Variants in ANK2 observed in about 807,000 individuals in gnomAD.
ANK2 encodes the protein ankyrin-2.
In ANK2, 83 loss-of-function variants were observed where a neutral mutation model predicts 360.5. That is an observed-to-expected ratio of 0.23 (90% CI 0.19 to 0.28). The LOEUF is 0.28. ANK2 is among the 10% of genes least tolerant of loss of function. ANK2 has a pLI of 1.00. For missense variants in ANK2, 4,201 were observed against 4,795.7 expected (o/e 0.88, Z 3.66); for synonymous variants, 1,740 against 1,759.5 (o/e 0.99, Z 0.28).
chr4:113,069,742 A>AT (rs1255451721), intron 1 of ANK2, among the ~76,000 whole-genome samples: 2 of 152,138 alleles, frequency 1.3e-5, no homozygotes, highest in Non-Finnish European at 2.9e-5. Flanking sequence ...CTATCCAGTG[A>AT]TATCTATTAA....
At chr4:113,306,097 A>G (rs2077129087) in intron 23 of ANK2, among the ~76,000 whole-genome samples, 1 of 152,212 alleles carries the variant, frequency 6.6e-6, no homozygotes, top group Admixed American at 6.5e-5. Flanking sequence ...AAAGCTCTAT[A>G]ACTGATGCCA....
intron 1 of ANK2, chr4:113,145,873 G>C: frequency 7.8e-7 from 1 of 1,289,710 alleles, no homozygotes. Context: ...GCTGAGATGG[G>C]GAATGCAGCC....
At chr4:113,194,460 A>AAGT (rs2153380238) in intron 2 of ANK2, among the ~76,000 whole-genome samples, 1 of 152,316 alleles carries the variant, frequency 6.6e-6, no homozygotes, top group Admixed American at 6.5e-5. Flanking sequence ...TCAGCAAGAG[A>AAGT]AGTAGTGAAC....
In ANK2 at chr4:112,911,188, C is replaced by T. The variant is rs866563627; in HGVS notation, c.21+6674C>T. 2.1e-3 allele frequency among the ~76,000 whole-genome samples: 158 copies of T among 73,798 alleles called. 1 individual carries two copies. The highest frequency in any genetic ancestry group is 3.8e-3 in the Admixed American group (20 of 5,300). 48.4% of individuals were successfully genotyped at this position (73,798 alleles called of 152,430 possible). A position where few individuals can be genotyped will look rare whatever the true frequency, so the allele number is the denominator to read the frequency against. On this transcript the variant is annotated intron_variant, in intron 2 of 30. Coordinates refer to the ANK2 transcript ENST00000503271. Reference sequence around the variant, plus strand: ...TTTCACCATGTTGGCCAAGATGGTGCTTTTTTTTTTTTTTTTTTTTTAGAG... The same window carrying T: ...TTTCACCATGTTGGCCAAGATGGTGTTTTTTTTTTTTTTTTTTTTTTAGAG...
chr4:112,983,231 A>G (rs1034101255), intron 2 of ANK2, among the ~76,000 whole-genome samples: 1 of 152,194 alleles, frequency 6.6e-6, no homozygotes, highest in African/African-American at 2.4e-5. Flanking sequence ...TGCCTTCAGC[A>G]TATTAGATTC....
In ANK2 at chr4:113,382,124, A is replaced by T. The variant is rs907798207; in HGVS notation, c.*653A>T. The stretch of plus-strand genomic sequence containing the variant: ...ATAAAAGGCCTCTAGAAATTGCTGA[A>T]CAATGGTTAATTAAGATATTGCTAA... On this transcript the variant is annotated 3_prime_UTR_variant, in exon 46 of 46. Coordinates refer to ENST00000357077, the MANE Select transcript of ANK2 (RefSeq NM_001148.6). 2 of 169,974 alleles carry T rather than the reference A, an allele frequency of 1.2e-5. No individual in the cohort carries two copies. The highest frequency in any genetic ancestry group is 2.4e-5 in the African/African-American group (1 of 42,026). The allele number at this position is 169,974 out of a possible 1,614,324, so 10.5% of individuals were successfully genotyped here. A position where few individuals can be genotyped will look rare whatever the true frequency, so the allele number is the denominator to read the frequency against.
chr4:112,932,463 G>T (rs1224611430), intron 2 of ANK2, among the ~76,000 whole-genome samples: 4 of 143,794 alleles, frequency 2.8e-5, no homozygotes, highest in African/African-American at 1.1e-4. Context: ...CTACACTACA[G>T]CCTGGGTGAC....
chr4:113,292,595 G>A, intron 21 of ANK2, 81 bp downstream of exon 21: 1 of 1,349,370 alleles, frequency 7.4e-7, no homozygotes, highest in Non-Finnish European at 1.0e-6. Context: ...TGAGCTGAGT[G>A]AGGTCAGATT....
chr4:113,366,391 C>CTTTTTT lies in ANK2; in HGVS notation c.11033-1157_11033-1152dup, dbSNP rs58588518. On this transcript the variant is annotated intron_variant, in intron 41 of 45. Coordinates refer to ENST00000357077, the MANE Select transcript of ANK2 (RefSeq NM_001148.6). ...TTAAATTTCATGACATTCTTGCTTCCTTTTTTTTTTTTTTTTTTTTTTTAA... is the reference window on the plus strand; with the variant it reads ...TTAAATTTCATGACATTCTTGCTTCCTTTTTTTTTTTTTTTTTTTTTTTTTTTTTAA... 4.7e-4 allele frequency among the ~76,000 whole-genome samples: 51 copies of CTTTTTT among 108,320 alleles called. 1 individual carries two copies. The highest frequency in any genetic ancestry group is 1.8e-3 in the African/African-American group (40 of 22,490). The allele number at this position is 108,320 out of a possible 152,430, so 71.1% of individuals were successfully genotyped here. A position where few individuals can be genotyped will look rare whatever the true frequency, so the allele number is the denominator to read the frequency against.
At chr4:113,051,725 A>G (rs773524176) in intron 1 of ANK2, among the ~76,000 whole-genome samples, 2 of 152,114 alleles carry the variant, frequency 1.3e-5, no homozygotes, top group Non-Finnish European at 2.9e-5. Context: ...TCTCAGTTCT[A>G]CCCTTTAATT....
intron 14 of ANK2, among the ~76,000 whole-genome samples, chr4:113,272,864 C>A (rs2059034882): frequency 1.3e-5 from 2 of 152,042 alleles, no homozygotes; most frequent in Non-Finnish European, 2.9e-5. Context: ...AGAAGGGAAC[C>A]CCAGAAACAA....
chr4:113,100,212 C>G lies in ANK2; in HGVS notation c.84+50400C>G, dbSNP rs77649042. Among the ~76,000 whole-genome samples the G allele has an allele frequency of 2.0e-5, 3 of 152,014 alleles. No homozygotes were observed. The East Asian group carries it at 5.8e-4, about 29-fold the overall frequency. On this transcript the variant is annotated intron_variant, in intron 1 of 45. Transcript: ENST00000357077. ...AGCCACAGGCTACAAGAAAAAAAAT[C>G]TTTGCAAAACACATATCTGATAAAT... is the stretch of plus-strand genomic sequence containing the variant.
intron 24 of ANK2, among the ~76,000 whole-genome samples, chr4:113,313,484 A>G (rs1222028830): frequency 1.3e-5 from 2 of 152,208 alleles, no homozygotes; most frequent in African/African-American, 2.4e-5. Flanking sequence ...AACAAGACAT[A>G]CTGTGTTCTC....
In ANK2 at chr4:112,998,137, C is replaced by G. The variant is rs58798871; in HGVS notation, c.21+93623C>G. The stretch of plus-strand genomic sequence containing the variant: ...TGATGTTAAGACAGTGTCCAACACA[C>G]TGTGAGTTTTTCAGAAATCTTAGAT... On this transcript the variant is annotated intron_variant, in intron 2 of 30. Transcript: ENST00000503271. Among the ~76,000 whole-genome samples the G allele has an allele frequency of 1.3e-3, 202 of 152,134 alleles. 2 individuals are homozygous for G. The East Asian group carries it at 0.034, about 26-fold the overall frequency.
In ANK2 at chr4:113,287,637, G is replaced by A. The variant is rs998176656; in HGVS notation, c.2112G>A (p.Gln704=). The change falls in exon 19 of 46, where the codon CAG becomes CAA. Residue 704 remains glutamine, a synonymous_variant. Transcript: ENST00000357077. ...SGLTSLHLAA[Q]EDKVNVADIL... ...TCACATCCTTACACCTTGCAGCCCAGGAAGATAAAGTGAATGTTGCTGATA... is the reference window on the plus strand; with the variant it reads ...TCACATCCTTACACCTTGCAGCCCAAGAAGATAAAGTGAATGTTGCTGATA... 1.9e-6 allele frequency: 3 copies of A among 1,613,484 alleles called. No homozygotes were observed. The highest frequency in any genetic ancestry group is 1.7e-6 in the Non-Finnish European group (2 of 1,179,504).
At chr4:113,204,851 T>A (rs1034084772) in intron 4 of ANK2, among the ~76,000 whole-genome samples, 11 of 152,260 alleles carry the variant, frequency 7.2e-5, no homozygotes, top group African/African-American at 2.4e-4. Flanking sequence ...GTAAAGCGAT[T>A]CAGGTGTACT....
At chr4:113,319,448 A>G (rs1420939104) in intron 26 of ANK2, among the ~76,000 whole-genome samples, 1 of 151,458 alleles carries the variant, frequency 6.6e-6, no homozygotes, top group Non-Finnish European at 1.5e-5. Flanking sequence ...TTTATATGCT[A>G]TATATCAAAA....
the ANK2 span, among the ~76,000 whole-genome samples, chr4:112,716,258 A>T: frequency 6.0e-4 from 92 of 152,082 alleles, no homozygotes; most frequent in African/African-American, 2.1e-3. Flanking sequence ...CATTATTATT[A>T]TTTTTTTCTT....
rs141928976 is a variant in ANK2, at chr4:113,016,093, T to C, written c.21+111579T>C. ...AGGCAGGAGTTCAGTGGCTTGTTCA[T>C]AGCTTACTGCAACCTCAAATTCCTG... On this transcript the variant is annotated intron_variant, in intron 2 of 30. Transcript: ENST00000503271. Among the ~76,000 whole-genome samples the C allele has an allele frequency of 7.3e-3, 1,105 of 152,158 alleles. 7 individuals are homozygous for C. Among genetic ancestry groups the C allele is most frequent in the Non-Finnish European group, 0.012 (849 of 67,990 alleles).
Sources: gnomAD v4.1 joint callset for allele counts (sites outside exome capture counted in the v4.1 genomes callset) on GRCh38, gnomAD v4.1.1 for gene constraint, MANE v1.5 for transcripts, NCBI Gene and HGNC (gene_info 2026-07-23, HGNC 2026-07-21) for gene names.